Variants in LINGO1 observed in about 807,000 individuals in gnomAD.
LINGO1 encodes leucine-rich repeat and immunoglobulin-like domain-containing nogo receptor-interacting protein 1.
LINGO1 carries 11 observed loss-of-function variants against 37.3 expected under a neutral mutation model. The observed-to-expected ratio is 0.29, with a 90% CI of 0.19 to 0.49. LINGO1 has a LOEUF of 0.49. LINGO1 is among the 20% of genes least tolerant of loss of function. The pLI is 0.99. For synonymous variants in LINGO1, 387 were observed against 403.0 expected, an observed-to-expected ratio of 0.96 and a Z score of 0.48; for missense variants, 585 against 878.2, an observed-to-expected ratio of 0.67 and a Z score of 4.22.
intron 1 of LINGO1, among the ~76,000 whole-genome samples, chr15:77,754,062 G>C (rs968347884): frequency 1.3e-5 from 2 of 151,966 alleles, no homozygotes; most frequent in African/African-American, 4.8e-5. Context: ...CAGGCCCAGA[G>C]CTGGGAGAGA....
At chr15:77,765,126 G>T (rs745459977) in intron 1 of LINGO1, among the ~76,000 whole-genome samples, 16 of 152,134 alleles carry the variant, frequency 1.1e-4, no homozygotes, top group African/African-American at 3.9e-4. Context: ...GCAGAACTGG[G>T]AAAGCAGGCC....
intron 3 of LINGO1, among the ~76,000 whole-genome samples, chr15:77,639,413 G>A (rs2074455424): frequency 1.3e-5 from 2 of 151,994 alleles, no homozygotes; most frequent in African/African-American, 4.8e-5. Flanking sequence ...CTGCTCTCAA[G>A]GGGGGCAAGG....
intron 3 of LINGO1, among the ~76,000 whole-genome samples, chr15:77,641,056 A>G (rs2141107991): frequency 6.6e-6 from 1 of 152,328 alleles, no homozygotes; most frequent in East Asian, 1.9e-4. Context: ...GGGATCAGTC[A>G]GGTACACGGA....
rs115296171 is a variant in LINGO1, at chr15:77,817,265, G to C, written c.-458+2993C>G. Among the ~76,000 whole-genome samples, 811 of 152,320 alleles carry C rather than the reference G, an allele frequency of 5.3e-3. 7 individuals carry two copies. The highest frequency in any genetic ancestry group is 0.019 in the African/African-American group (771 of 41,578). On this transcript the variant is annotated intron_variant, in intron 1 of 5. Coordinates refer to the LINGO1 transcript ENST00000562933. ...GACAGCTCTGACCTCCTGTTCTTCA[G>C]GTGGGCCACCTGGGGAGGAAGTGGC...
At chr15:77,641,199 G>A (rs754618100) in intron 3 of LINGO1, among the ~76,000 whole-genome samples, 7 of 152,206 alleles carry the variant, frequency 4.6e-5, no homozygotes, top group African/African-American at 9.7e-5. Context: ...AGTGGGGTGC[G>A]AGGCTGAGGC....
intron 1 of LINGO1, among the ~76,000 whole-genome samples, chr15:77,761,431 G>A (rs12915683): frequency 1.3e-5 from 2 of 152,202 alleles, no homozygotes; most frequent in African/African-American, 2.4e-5. Context: ...TGATGGCGCA[G>A]AAGTTGGGAC....
At chr15:77,819,135 C>G (rs992024623) in intron 1 of LINGO1, 5 of 150,404 alleles carry the variant, frequency 3.3e-5, no homozygotes, top group African/African-American at 1.2e-4. Flanking sequence ...CACCCCACCC[C>G]CGCCGCTGCC....
intron 1 of LINGO1, among the ~76,000 whole-genome samples, chr15:77,802,852 C>T (rs991045063): frequency 1.3e-5 from 2 of 152,146 alleles, no homozygotes; most frequent in African/African-American, 4.8e-5. Flanking sequence ...CTGCCTGCTC[C>T]ACACCCTTCT....
At chr15:77,776,613 C>T (rs1353562293) in intron 1 of LINGO1, among the ~76,000 whole-genome samples, 5 of 150,932 alleles carry the variant, frequency 3.3e-5, no homozygotes, top group Admixed American at 1.3e-4. Context: ...AGGCCCTTTG[C>T]ATATCAGCCA....
At chr15:77,684,607 C>T (rs982087482) in intron 2 of LINGO1, among the ~76,000 whole-genome samples, 10 of 152,228 alleles carry the variant, frequency 6.6e-5, no homozygotes, top group Non-Finnish European at 1.5e-4. Flanking sequence ...AGCCAGCCCC[C>T]GTCCCAAGCC....
intron 2 of LINGO1, among the ~76,000 whole-genome samples, chr15:77,717,216 T>C (rs575262680): frequency 6.6e-6 from 1 of 150,858 alleles, no homozygotes; most frequent in South Asian, 2.2e-4. Context: ...TGCTCTGTCC[T>C]CAATCTGCGC....
intron 1 of LINGO1, among the ~76,000 whole-genome samples, chr15:77,739,641 G>C (rs8028003): frequency 0.12 from 18,795 of 152,160 alleles, 1,639 homozygotes; most frequent in African/African-American, 0.25. Context: ...CCACTGTGAC[G>C]GCTCCCTCTC....
intron 1 of LINGO1, among the ~76,000 whole-genome samples, chr15:77,623,905 CTGTG>C (rs1289620867): frequency 8.0e-6 from 1 of 125,146 alleles, no homozygotes; most frequent in African/African-American, 3.3e-5. Flanking sequence ...TGTGTGGTCT[CTGTG>C]TGTGACTGAT....
At chr15:77,805,689 C>T (rs1481855120) in intron 1 of LINGO1, among the ~76,000 whole-genome samples, 3 of 152,158 alleles carry the variant, frequency 2.0e-5, no homozygotes, top group Non-Finnish European at 4.4e-5. Flanking sequence ...TCTACCACCC[C>T]ATATTGCATC....
At position 77,732,267 on chromosome 15, in the gene LINGO1, G is replaced by A. The variant is rs141914797; in HGVS notation, c.-195+2725C>T. Among the ~76,000 whole-genome samples, 120 of 152,304 alleles carry A rather than the reference G, an allele frequency of 7.9e-4. 1 individual carries two copies. Among genetic ancestry groups the A allele is most frequent in the African/African-American group, 2.7e-3 (114 of 41,572 alleles). On this transcript the variant is annotated intron_variant, in intron 2 of 3. Transcript: ENST00000561686. ...CCAGAGGGCTGGCAGAAAGAGCAAC[G>A]AGGCCTCCCTTCTGTGCTGGACTGA... is the stretch of plus-strand genomic sequence containing the variant.
chr15:77,792,409 C>A (rs1459723095), intron 2 of LINGO1, among the ~76,000 whole-genome samples: 1 of 152,248 alleles, frequency 6.6e-6, no homozygotes, highest in African/African-American at 2.4e-5. Context: ...AGGCATCACT[C>A]TGTAACTCCT....
chr15:77,752,239 T>C (rs1308791126), intron 1 of LINGO1, among the ~76,000 whole-genome samples: 1 of 152,214 alleles, frequency 6.6e-6, no homozygotes, highest in African/African-American at 2.4e-5. Flanking sequence ...CAAGGTGGAC[T>C]GCCCACCACA....
At chr15:77,621,777 G>T (rs2073930309) in intron 1 of LINGO1, among the ~76,000 whole-genome samples, 1 of 152,230 alleles carries the variant, frequency 6.6e-6, no homozygotes, top group Non-Finnish European at 1.5e-5. Context: ...TGCGGCTGCT[G>T]CCTGGGCCTG....
intron 1 of LINGO1, among the ~76,000 whole-genome samples, chr15:77,783,196 C>G (rs2076738051): frequency 6.6e-6 from 1 of 152,218 alleles, no homozygotes; most frequent in South Asian, 2.1e-4. Context: ...GAGCTCAGCA[C>G]AGTCTGAGGT....
Sources: allele counts gnomAD v4.1 joint callset (sites outside exome capture counted in the v4.1 genomes callset), GRCh38; gene constraint gnomAD v4.1.1; transcripts MANE v1.5; gene names NCBI Gene and HGNC (gene_info 2026-07-23, HGNC 2026-07-21).